The following GANC variants were observed in gnomAD, a reference collection of about 807,000 sequenced individuals.
The protein encoded by GANC is neutral alpha-glucosidase C.
Under a neutral mutation model 124.2 loss-of-function variants are expected in GANC, and 117 were observed. The observed-to-expected ratio is 0.94, with a 90% confidence interval of 0.81 to 1.10. The LOEUF is 1.10. Among genes scored for constraint, GANC ranks in the 50% least tolerant of loss-of-function variants. The pLI, the probability that GANC is intolerant of heterozygous loss-of-function variation, is 0.00. For synonymous variants in GANC, 377 were observed against 376.8 expected (o/e 1.00, Z -0.01); for missense variants, 1,140 against 1,095.0 (o/e 1.04, Z -0.58).
intron 20 of GANC, among the ~76,000 whole-genome samples, chr15:42,347,002 C>G (rs1217745090): frequency 6.6e-6 from 1 of 152,110 alleles, no homozygotes; most frequent in African/African-American, 2.4e-5. Flanking sequence ...TAACAATTAT[C>G]TACTCTAATC....
At position 42,338,371 on chromosome 15, in the gene GANC, T is replaced by C; in HGVS notation, c.1742-18T>C. 6.3e-7 allele frequency: 1 copy of C among 1,583,704 alleles called. No individual in the cohort carries two copies. Among genetic ancestry groups the C allele is most frequent in the Non-Finnish European group, 8.7e-7 (1 of 1,153,852 alleles). The stretch of plus-strand genomic sequence containing the variant: ...GGGTTGATTTGTGATTTTAATACAT[T>C]GTTGCTGGTGACCAAAGGTGCCGTG... On this transcript the variant is annotated intron_variant, in intron 15 of 23. Coordinates refer to ENST00000318010, the MANE Select transcript of GANC (RefSeq NM_198141.3).
At chr15:42,339,205 A>T (rs1052356563) in intron 16 of GANC, among the ~76,000 whole-genome samples, 22 of 151,364 alleles carry the variant, frequency 1.5e-4, no homozygotes, top group Non-Finnish European at 2.8e-4. Context: ...GATAATCAGA[A>T]CCTCTACTTC....
chr15:42,345,262 TC>T (rs915659550), intron 19 of GANC, among the ~76,000 whole-genome samples: 4 of 149,770 alleles, frequency 2.7e-5, no homozygotes, highest in Non-Finnish European at 5.9e-5. Flanking sequence ...TCCATTTTTT[TC>T]CTCCCAGATA....
chr15:42,350,493 T>G (rs114670925), intron 22 of GANC, among the ~76,000 whole-genome samples: 2,546 of 152,078 alleles, frequency 0.017, 101 homozygotes, highest in African/African-American at 0.059. Context: ...TTCAAATAAC[T>G]TGTTAAAAAG....
chr15:42,317,611 C>T (rs1236320031), intron 10 of GANC, among the ~76,000 whole-genome samples: 3 of 152,152 alleles, frequency 2.0e-5, no homozygotes, highest in African/African-American at 7.2e-5. Context: ...TAAAAACCCT[C>T]ATTAAATTGT....
Position 42,287,835 on chromosome 15 carries a change from G to C in GANC, c.329+17G>C. 1 of 1,598,286 alleles carries C rather than the reference G, an allele frequency of 6.3e-7. No individual in the cohort carries two copies. Among genetic ancestry groups the C allele is most frequent in the African/African-American group, 1.4e-5 (1 of 73,904 alleles). On this transcript the variant is annotated intron_variant, in intron 4 of 23. Coordinates refer to ENST00000318010, the MANE Select transcript of GANC (RefSeq NM_198141.3). ...CACTGTAAGGTAAGCCAAGGAGCGA[G>C]GTATTTTAGAGACACGCTTGATATA...
intron 15 of GANC, among the ~76,000 whole-genome samples, chr15:42,334,121 C>T (rs1398376414): frequency 2.0e-5 from 3 of 151,666 alleles, no homozygotes; most frequent in Non-Finnish European, 4.4e-5. Context: ...ATTTTAAAAG[C>T]TAAAAATACA....
At chr15:42,321,416 A>G (rs116554585) in intron 10 of GANC, among the ~76,000 whole-genome samples, 2,541 of 152,254 alleles carry the variant, frequency 0.017, 74 homozygotes, top group African/African-American at 0.059. Context: ...GGAATGCTCT[A>G]TCTATTCTTC....
chr15:42,338,643 G>A (rs2052303106), intron 16 of GANC, among the ~76,000 whole-genome samples, 153 bp downstream of exon 16: 1 of 152,202 alleles, frequency 6.6e-6, no homozygotes, highest in Admixed American at 6.5e-5. Context: ...GAGCGGATTA[G>A]AGAGGAGAGT....
At chr15:42,342,727 A>T (rs1268069146) in intron 18 of GANC, among the ~76,000 whole-genome samples, 1 of 152,260 alleles carries the variant, frequency 6.6e-6, no homozygotes, top group Non-Finnish European at 1.5e-5. Flanking sequence ...GACAGCAAAC[A>T]GTAAAGCACT....
At chr15:42,292,485 A>G (rs1289918086) in intron 4 of GANC, among the ~76,000 whole-genome samples, 1 of 152,052 alleles carries the variant, frequency 6.6e-6, no homozygotes, top group African/African-American at 2.4e-5. Flanking sequence ...CACTTTACAG[A>G]TAAGGAAACC....
At chr15:42,321,098 GATA>G (rs1335298066) in intron 10 of GANC, among the ~76,000 whole-genome samples, 1 of 152,184 alleles carries the variant, frequency 6.6e-6, no homozygotes, top group Non-Finnish European at 1.5e-5. Context: ...TAAACATTTT[GATA>G]ATAATTTACT....
chr15:42,309,358 C>T (rs999122781), intron 8 of GANC, among the ~76,000 whole-genome samples: 8 of 151,246 alleles, frequency 5.3e-5, no homozygotes, highest in Non-Finnish European at 1.0e-4. Context: ...CTCGCACTGT[C>T]GCCCAGGCTG....
Position 42,352,793 on chromosome 15 carries a change from G to A in GANC, c.*654G>A. The A allele has an allele frequency of 1.2e-6, 1 of 840,982 alleles. No homozygotes were observed. Among genetic ancestry groups the A allele is most frequent in the Non-Finnish European group, 1.4e-6 (1 of 698,332 alleles). The allele number at this position is 840,982 out of a possible 1,614,324, so 52.1% of individuals were successfully genotyped here. A position where few individuals can be genotyped will look rare whatever the true frequency, so the allele number is the denominator to read the frequency against. On this transcript the variant is annotated 3_prime_UTR_variant, in exon 24 of 24. Transcript: ENST00000318010. Reference sequence around the variant, plus strand: ...TACATTGTTTTTTTAATTAAGTGCTGTTTACTAACCAAATAATATTTATAA... The same window carrying A: ...TACATTGTTTTTTTAATTAAGTGCTATTTACTAACCAAATAATATTTATAA...
At chr15:42,339,997 T>C in intron 17 of GANC, 85 bp downstream of exon 17, 1 of 1,465,268 alleles carries the variant, frequency 6.8e-7, no homozygotes, top group Non-Finnish European at 9.2e-7. Context: ...ATAATTACAG[T>C]GATTTCAAGA....
Position 42,327,352 on chromosome 15 carries a change from T to G in GANC, c.1421-11T>G, listed in dbSNP as rs955586840. On this transcript the variant is annotated splice_polypyrimidine_tract_variant and intron_variant, in intron 12 of 23. Transcript: ENST00000318010. ...GTTCTTGACAGGCTATCTACTGTTC[T>G]GCCTCCACAGGTCTCTCCTCTTACC... The G allele has an allele frequency of 1.9e-6, 3 of 1,606,476 alleles. No individual in the cohort carries two copies. In the African/African-American group the frequency reaches 4.0e-5, roughly 22 times the overall value.
chr15:42,274,532 A>G, intron 1 of GANC, 22 bp downstream of exon 1: 2 of 1,602,666 alleles, frequency 1.2e-6, no homozygotes, highest in Non-Finnish European at 1.7e-6. Flanking sequence ...GTGCTTCTGT[A>G]GCGAGTGACC....
At chr15:42,287,462 T>C (rs1214571905) in intron 3 of GANC, among the ~76,000 whole-genome samples, 2 of 152,226 alleles carry the variant, frequency 1.3e-5, no homozygotes, top group African/African-American at 2.4e-5. Context: ...GACAATTTTA[T>C]GTTCACCTAG....
In GANC at chr15:42,343,161, G is replaced by A. The variant is rs774009541; in HGVS notation, c.2229+7G>A. On this transcript the variant is annotated splice_region_variant and intron_variant, in intron 19 of 23. Transcript: ENST00000318010. ...TCTTCCAGGATCAAATGAGGTAAGA[G>A]TAATAACAGCCACATATCTGATATG... 7 of 1,611,870 alleles carry A rather than the reference G, an allele frequency of 4.3e-6. No homozygotes were observed. In the South Asian group the frequency reaches 7.7e-5, roughly 18 times the overall value.
Sources: allele counts gnomAD v4.1 joint callset (sites outside exome capture counted in the v4.1 genomes callset), GRCh38; gene constraint gnomAD v4.1.1; transcripts MANE v1.5; gene names NCBI Gene and HGNC (gene_info 2026-07-23, HGNC 2026-07-21).